Variants in SNX25 observed in about 807,000 individuals in gnomAD.
SNX25 encodes the protein sorting nexin 25.
A neutral mutation model predicts 113.7 loss-of-function variants in SNX25; 62 were observed. That is an observed-to-expected ratio of 0.55 (90% CI 0.44 to 0.67). The LOEUF (loss-of-function observed/expected upper bound fraction) is 0.67. Among genes scored for constraint, SNX25 ranks in the 30% least tolerant of loss-of-function variants. The pLI, the probability that SNX25 is intolerant of heterozygous loss-of-function variation, is 0.00. For synonymous variants in SNX25, 421 were observed against 436.2 expected (o/e 0.97, Z 0.43); for missense variants, 1,014 against 1,161.0 (o/e 0.87, Z 1.84).
rs914914432 is a variant in SNX25 at position 185,334,576 on chromosome 4, C to G, written c.1914+1817C>G. ...ATCAGTATCTGCAATATGGCATGTT[C>G]TTTAAGAACAGTTGTCTTATTTATT... On this transcript the variant is annotated intron_variant, in intron 10 of 18. Transcript: ENST00000652585. The surrounding 1 kb of genome is among the most constrained non-coding windows in gnomAD (Gnocchi z 4.2). Among the ~76,000 whole-genome samples the G allele has an allele frequency of 6.6e-6, 1 of 152,122 alleles. No homozygotes were observed. The highest frequency in any genetic ancestry group is 1.5e-5 in the Non-Finnish European group (1 of 68,022).
At chr4:185,211,259 G>T (rs1737741425) in intron 1 of SNX25, among the ~76,000 whole-genome samples, 1 of 152,216 alleles carries the variant, frequency 6.6e-6, no homozygotes, top group Non-Finnish European at 1.5e-5. Context: ...AGAATGCAGC[G>T]CTGAGATAAT....
chr4:185,243,605 A>C (rs1185693202), intron 1 of SNX25, among the ~76,000 whole-genome samples: 2 of 152,132 alleles, frequency 1.3e-5, no homozygotes, highest in South Asian at 2.1e-4. Flanking sequence ...CTATCAAAAA[A>C]CAAAAAAACC....
intron 6 of SNX25, among the ~76,000 whole-genome samples, chr4:185,291,360 A>G (rs1408132716): frequency 1.3e-5 from 2 of 151,330 alleles, no homozygotes; most frequent in African/African-American, 2.4e-5. Context: ...CAATAGCTCC[A>G]CTCTCCCCAC....
At chr4:185,250,837 A>G (rs190711731) in intron 2 of SNX25, among the ~76,000 whole-genome samples, 112 of 151,286 alleles carry the variant, frequency 7.4e-4, no homozygotes, top group African/African-American at 2.6e-3. Flanking sequence ...TTTCCAAATT[A>G]TTTTCTATAG....
intron 1 of SNX25, among the ~76,000 whole-genome samples, chr4:185,219,561 A>G (rs1312716064): frequency 6.6e-6 from 1 of 152,174 alleles, no homozygotes; most frequent in African/African-American, 2.4e-5. Context: ...CTCCATCTCA[A>G]AAAAACAAAA....
intron 5 of SNX25, among the ~76,000 whole-genome samples, chr4:185,282,864 G>A (rs779574379): frequency 9.9e-5 from 15 of 152,144 alleles, no homozygotes; most frequent in East Asian, 3.8e-4. Flanking sequence ...TTGCAAAGTC[G>A]TATCCTCCTC....
intron 5 of SNX25, among the ~76,000 whole-genome samples, chr4:185,285,965 A>T (rs1276612638): frequency 7.0e-6 from 1 of 143,796 alleles, no homozygotes; most frequent in East Asian, 1.9e-4. Flanking sequence ...TTTAGTAGAG[A>T]CAGGGTCTCC....
At chr4:185,375,215 A>G in the SNX25 span, among the ~76,000 whole-genome samples, 2 of 151,246 alleles carry the variant, frequency 1.3e-5, no homozygotes, top group African/African-American at 4.8e-5. Context: ...AGCTGGGAAT[A>G]CAAGCATGCA....
At chr4:185,344,283 G>C (rs991538133) in intron 12 of SNX25, among the ~76,000 whole-genome samples, 3 of 152,116 alleles carry the variant, frequency 2.0e-5, no homozygotes, top group African/African-American at 7.2e-5. Flanking sequence ...ATTTTAAAGA[G>C]AGGGTTTGGA....
chr4:185,253,733 T>G (rs1746003373), intron 2 of SNX25, among the ~76,000 whole-genome samples: 1 of 152,260 alleles, frequency 6.6e-6, no homozygotes. Context: ...CCTCCCAAAG[T>G]GCTGGGATTA....
chr4:185,337,164 G>GT (rs1161317631), intron 10 of SNX25, among the ~76,000 whole-genome samples: 2 of 151,948 alleles, frequency 1.3e-5, no homozygotes, highest in African/African-American at 4.8e-5. Flanking sequence ...GCATTTTAGT[G>GT]TTTTGCAACT....
intron 10 of SNX25, among the ~76,000 whole-genome samples, chr4:185,338,071 C>G (rs2095241048): frequency 6.6e-6 from 1 of 152,160 alleles, no homozygotes; most frequent in Non-Finnish European, 1.5e-5. Flanking sequence ...GATGAAACCT[C>G]TGTCAGAGAG....
intron 1 of SNX25, among the ~76,000 whole-genome samples, chr4:185,240,553 C>T (rs1452708110): frequency 1.1e-4 from 14 of 130,578 alleles, no homozygotes; most frequent in African/African-American, 3.0e-4. Flanking sequence ...CTGGACAGGG[C>T]GGCTGGCCGG....
intron 6 of SNX25, among the ~76,000 whole-genome samples, chr4:185,298,093 C>CT (rs6148841): frequency 0.018 from 2,484 of 137,110 alleles, 63 homozygotes; most frequent in Non-Finnish European, 0.025. Flanking sequence ...ATAGTAACTT[C>CT]TTTTTTTTTT....
At chr4:185,347,256 T>C (rs968126851) in intron 13 of SNX25, among the ~76,000 whole-genome samples, 1 of 152,228 alleles carries the variant, frequency 6.6e-6, no homozygotes, top group Non-Finnish European at 1.5e-5. Context: ...TTGACAAATA[T>C]CTGTCGGCTG....
intron 1 of SNX25, among the ~76,000 whole-genome samples, chr4:185,239,292 G>A (rs1011699060): frequency 8.6e-5 from 13 of 151,788 alleles, no homozygotes; most frequent in Non-Finnish European, 1.9e-4. Flanking sequence ...GACCATCCTG[G>A]CCAACACGGT....
upstream of SNX25, among the ~76,000 whole-genome samples, chr4:185,204,929 GTTGTT>G (rs1258305897): frequency 6.6e-6 from 1 of 152,216 alleles, no homozygotes; most frequent in Non-Finnish European, 1.5e-5. Flanking sequence ...ATACACCTGT[GTTGTT>G]TTAACTACTG....
the SNX25 span, chr4:185,378,508 C>A: frequency 9.3e-7 from 1 of 1,077,924 alleles, no homozygotes; most frequent in Non-Finnish European, 1.1e-6. Context: ...AGTCACCCAG[C>A]ACAAGTGTTG....
intron 3 of SNX25, among the ~76,000 whole-genome samples, chr4:185,260,581 T>C (rs1476354320): frequency 2.6e-5 from 4 of 152,236 alleles, no homozygotes; most frequent in African/African-American, 9.7e-5. Flanking sequence ...ATTTACCATA[T>C]TTGATATTTA....
Sources: allele counts gnomAD v4.1 joint callset (sites outside exome capture counted in the v4.1 genomes callset), GRCh38; gene constraint gnomAD v4.1.1; non-coding constraint Gnocchi (gnomAD v3.1); transcripts MANE v1.5; gene names NCBI Gene and HGNC (gene_info 2026-07-23, HGNC 2026-07-21).